COL21A1: variants seen among roughly 807,000 people sequenced by gnomAD.
The protein encoded by COL21A1 is collagen type XXI alpha 1 chain.
In COL21A1, 149 loss-of-function variants were observed where a neutral mutation model predicts 137.9. That is an observed-to-expected ratio of 1.08 (90% confidence interval 0.95 to 1.24). The LOEUF is 1.24. Among genes scored for constraint, COL21A1 ranks in the 50% most tolerant of loss-of-function variants. The pLI, the probability that COL21A1 is intolerant of heterozygous loss-of-function variation, is 0.00. For missense variants in COL21A1, 1,167 were observed against 1,158.4 expected, an observed-to-expected ratio of 1.01 and a Z score of -0.11; for synonymous variants, 456 against 391.5, an observed-to-expected ratio of 1.16 and a Z score of -1.95.
intron 1 of COL21A1, among the ~76,000 whole-genome samples, chr6:56,298,199 G>A (rs796517176): frequency 1.3e-5 from 2 of 152,090 alleles, no homozygotes; most frequent in African/African-American, 4.8e-5. Context: ...TACTCCGGAA[G>A]ATGTGGCCAC....
At chr6:56,343,152 AT>A (rs1373073923) in intron 1 of COL21A1, among the ~76,000 whole-genome samples, 1 of 152,184 alleles carries the variant, frequency 6.6e-6, no homozygotes, top group Non-Finnish European at 1.5e-5. Context: ...TAGAGGAAAG[AT>A]TTCCTTTAAA....
intron 1 of COL21A1, among the ~76,000 whole-genome samples, chr6:56,383,039 C>T (rs973122587): frequency 2.0e-5 from 3 of 152,192 alleles, no homozygotes; most frequent in African/African-American, 7.2e-5. Flanking sequence ...TCCTTTCTAA[C>T]CACTGTTCCC....
intron 1 of COL21A1, among the ~76,000 whole-genome samples, chr6:56,347,907 T>A (rs1375317948): frequency 1.3e-5 from 2 of 152,184 alleles, no homozygotes; most frequent in Admixed American, 1.3e-4. Context: ...AGAAGTATTA[T>A]AAGTTAAAGA....
At chr6:56,064,055 A>G (rs1263394957) in intron 24 of COL21A1, among the ~76,000 whole-genome samples, 1 of 152,128 alleles carries the variant, frequency 6.6e-6, no homozygotes, top group Non-Finnish European at 1.5e-5. Flanking sequence ...CAGTTTAGTC[A>G]AGAAAGAAGC....
chr6:56,378,683 CTGGCGT>C (rs1383739557), intron 1 of COL21A1, among the ~76,000 whole-genome samples: 20 of 152,316 alleles, frequency 1.3e-4, no homozygotes, highest in South Asian at 4.1e-4. Flanking sequence ...ATGGGCCTGG[CTGGCGT>C]TGCCACTTGC....
chr6:56,336,893 T>C (rs751608560), intron 1 of COL21A1, among the ~76,000 whole-genome samples: 60 of 152,232 alleles, frequency 3.9e-4, no homozygotes, highest in Non-Finnish European at 7.1e-4. Context: ...TGGATCATTT[T>C]TCATCCAGTT....
chr6:56,240,459 A>C (rs2152324640), intron 1 of COL21A1, among the ~76,000 whole-genome samples: 1 of 152,314 alleles, frequency 6.6e-6, no homozygotes, highest in African/African-American at 2.4e-5. Context: ...CCCAGTCTCA[A>C]GTATTTTGTT....
chr6:56,376,822 G>A (rs539502591), intron 1 of COL21A1, among the ~76,000 whole-genome samples: 72 of 124,702 alleles, frequency 5.8e-4, no homozygotes, highest in Middle Eastern at 3.6e-3. Flanking sequence ...TCCACCAATC[G>A]ACGCCCACCC....
At chr6:56,242,965 GA>G (rs1203068284) in intron 1 of COL21A1, among the ~76,000 whole-genome samples, 1 of 152,102 alleles carries the variant, frequency 6.6e-6, no homozygotes, top group Non-Finnish European at 1.5e-5. Flanking sequence ...ACAGTTGAAT[GA>G]AAAGTGTACT....
At chr6:56,301,164 G>A (rs560916805) in intron 1 of COL21A1, among the ~76,000 whole-genome samples, 10 of 152,192 alleles carry the variant, frequency 6.6e-5, no homozygotes, top group Admixed American at 3.3e-4. Flanking sequence ...TGCCTTACAT[G>A]GCAAAAGAGA....
chr6:56,175,717 A>G (rs2152276928), intron 3 of COL21A1, among the ~76,000 whole-genome samples: 2 of 152,312 alleles, frequency 1.3e-5, no homozygotes, highest in Middle Eastern at 6.8e-3. Context: ...AACTTGATCT[A>G]CAGATTCAAT....
At chr6:56,133,155 G>C (rs1262334540) in intron 12 of COL21A1, among the ~76,000 whole-genome samples, 1 of 152,184 alleles carries the variant, frequency 6.6e-6, no homozygotes, top group Non-Finnish European at 1.5e-5. Flanking sequence ...AGAAAAATGT[G>C]AGAAAGTTTT....
At chr6:56,231,774 C>T (rs889530726) in intron 1 of COL21A1, among the ~76,000 whole-genome samples, 7 of 151,776 alleles carry the variant, frequency 4.6e-5, no homozygotes, top group Non-Finnish European at 4.4e-5. Flanking sequence ...TAATATCTAT[C>T]GCTAGTTCTA....
At chr6:56,072,413 A>C (rs1766839749) in intron 20 of COL21A1, among the ~76,000 whole-genome samples, 1 of 151,530 alleles carries the variant, frequency 6.6e-6, no homozygotes, top group African/African-American at 2.4e-5. Context: ...TTATAATATA[A>C]ATTAGAGGTT....
chr6:56,148,332 A>AAGAGAGAGAGAG (rs1554145096), intron 10 of COL21A1, among the ~76,000 whole-genome samples: 37 of 24,716 alleles, frequency 1.5e-3, no homozygotes, highest in African/African-American at 4.6e-3. Flanking sequence ...TTAGTGAGAC[A>AAGAGAGAGAGAG]AGAGACAGAG....
intron 1 of COL21A1, among the ~76,000 whole-genome samples, chr6:56,196,671 T>C (rs568354295): frequency 1.3e-5 from 2 of 152,212 alleles, no homozygotes; most frequent in South Asian, 4.1e-4. Context: ...GTGAAATACC[T>C]GTACATTGAA....
chr6:56,260,655 G>A (rs1270608265), intron 1 of COL21A1, among the ~76,000 whole-genome samples: 6 of 62,668 alleles, frequency 9.6e-5, no homozygotes, highest in Admixed American at 1.4e-4. Flanking sequence ...AAGGAAGGAA[G>A]GAATGAAGGA....
intron 1 of COL21A1, among the ~76,000 whole-genome samples, chr6:56,339,358 C>T (rs190736549): frequency 3.5e-4 from 39 of 111,442 alleles, no homozygotes; most frequent in African/African-American, 1.1e-3. Flanking sequence ...TTAATAAAAA[C>T]CTCCTACAGT....
intron 1 of COL21A1, among the ~76,000 whole-genome samples, chr6:56,271,419 A>T (rs1763522515): frequency 6.6e-6 from 1 of 152,232 alleles, no homozygotes; most frequent in African/African-American, 2.4e-5. Flanking sequence ...CTAGCTTATT[A>T]TGAAAGCATT....
Sources: allele counts gnomAD v4.1 joint callset (sites outside exome capture counted in the v4.1 genomes callset), GRCh38; gene constraint gnomAD v4.1.1; transcripts MANE v1.5; gene names NCBI Gene and HGNC (gene_info 2026-07-23, HGNC 2026-07-21).